FAF1: variants seen among roughly 807,000 people sequenced by gnomAD.
The protein encoded by FAF1 is FAS-associated factor 1.
Under a neutral mutation model 92.5 loss-of-function variants are expected in FAF1, and 25 were observed. That is an observed-to-expected ratio of 0.27 (90% CI 0.20 to 0.38). FAF1 has a LOEUF of 0.38. FAF1 is among the 10% of genes least tolerant of loss of function. The pLI is 1.00. For synonymous variants in FAF1, 234 were observed against 273.2 expected (o/e 0.86, Z 1.42); for missense variants, 636 against 793.3 (o/e 0.80, Z 2.38).
At chr1:50,623,662 C>T (rs1411001143) in intron 8 of FAF1, among the ~76,000 whole-genome samples, 1 of 150,456 alleles carries the variant, frequency 6.6e-6, no homozygotes, top group Non-Finnish European at 1.5e-5. Context: ...ACAAATGAGG[C>T]CAGGTGTGGT....
At position 50,944,358 on chromosome 1, in the gene FAF1, G is replaced by GATTCTGAAAGAAAATGAACATTA. The variant is rs1211925957; in HGVS notation, c.45+15386_45+15408dup. On this transcript the variant is annotated intron_variant, in intron 1 of 18. Coordinates refer to ENST00000396153, the MANE Select transcript of FAF1 (RefSeq NM_007051.3). The stretch of plus-strand genomic sequence containing the variant: ...TCTTTATGAGGAAGGCTTCAAGGGC[G>GATTCTGAAAGAAAATGAACATTA]ATTCTGAAAGAAAATGAACATTAAT... Among the ~76,000 whole-genome samples the GATTCTGAAAGAAAATGAACATTA allele has an allele frequency of 3.0e-4, 45 of 152,280 alleles. No individual in the cohort carries two copies. In the East Asian group the frequency reaches 8.7e-3, roughly 29 times the overall value.
intron 1 of FAF1, among the ~76,000 whole-genome samples, chr1:50,927,049 C>T (rs192316873): frequency 6.2e-4 from 95 of 152,180 alleles, no homozygotes; most frequent in Non-Finnish European, 8.4e-4. Context: ...TCTATAAGTA[C>T]TCAAACTCAC....
intron 13 of FAF1, among the ~76,000 whole-genome samples, chr1:50,542,387 A>G (rs1046112449): frequency 1.3e-5 from 2 of 152,186 alleles, no homozygotes; most frequent in East Asian, 1.9e-4. Context: ...TCTTCCTCCC[A>G]AGATCATTTA....
chr1:50,764,306 T>C (rs1405217768), intron 4 of FAF1, among the ~76,000 whole-genome samples: 1 of 152,152 alleles, frequency 6.6e-6, no homozygotes, highest in Non-Finnish European at 1.5e-5. Flanking sequence ...TGGGAAGGAA[T>C]TCAATAGTAT....
In FAF1 at chr1:50,472,368, TACACACACACACACACACACAC is replaced by T. The variant is rs71850142; in HGVS notation, c.1869+3074_1869+3095del. 1.3e-3 allele frequency among the ~76,000 whole-genome samples: 163 copies of T among 123,948 alleles called. 1 individual carries two copies. The highest frequency in any genetic ancestry group is 8.5e-3 in the Middle Eastern group (2 of 234). 81.3% of individuals were successfully genotyped at this position (123,948 alleles called of 152,430 possible). A position where few individuals can be genotyped will look rare whatever the true frequency, so the allele number is the denominator to read the frequency against. On this transcript the variant is annotated intron_variant, in intron 18 of 18. Coordinates refer to ENST00000396153, the MANE Select transcript of FAF1 (RefSeq NM_007051.3). ...GTTATTAGCAAAATTGGGGAAAACA[TACACACACACACACACACACAC>T]ACACACACACACACACACACACACA...
At chr1:50,905,604 G>C (rs1162326842) in intron 1 of FAF1, among the ~76,000 whole-genome samples, 1 of 152,170 alleles carries the variant, frequency 6.6e-6, no homozygotes, top group African/African-American at 2.4e-5. Context: ...TCTGATTGTG[G>C]TTTTAATTTG....
In FAF1 at chr1:50,519,370, AGGAG is replaced by A. The variant is rs781526889; in HGVS notation, c.1494+15995_1494+15998del. Among the ~76,000 whole-genome samples the A allele has an allele frequency of 5.5e-3, 547 of 99,570 alleles. 8 individuals carry two copies. The highest frequency in any genetic ancestry group is 0.052 in the East Asian group (153 of 2,928). 65.3% of individuals were successfully genotyped at this position (99,570 alleles called of 152,430 possible). On this transcript the variant is annotated intron_variant, in intron 15 of 18. Coordinates refer to ENST00000396153, the MANE Select transcript of FAF1 (RefSeq NM_007051.3). The stretch of plus-strand genomic sequence containing the variant: ...AATGAAGGAAGGAAGGAAGGAAGGA[AGGAG>A]GGAGGGAGGGAGGGAGGGAGGGAAG...
chr1:50,745,373 T>C (rs1659546060), intron 4 of FAF1, among the ~76,000 whole-genome samples: 1 of 152,094 alleles, frequency 6.6e-6, no homozygotes, highest in African/African-American at 2.4e-5. Context: ...TTAAACTGTA[T>C]TAAAGAGAAG....
chr1:50,449,481 TTTTC>T (rs200867870), intron 18 of FAF1, among the ~76,000 whole-genome samples: 45 of 149,852 alleles, frequency 3.0e-4, no homozygotes, highest in African/African-American at 9.5e-4. Flanking sequence ...GGGAACAACT[TTTTC>T]TTTCTTTTTT....
intron 15 of FAF1, among the ~76,000 whole-genome samples, chr1:50,530,475 G>C (rs914462591): frequency 1.3e-5 from 2 of 151,342 alleles, no homozygotes; most frequent in African/African-American, 2.4e-5. Flanking sequence ...GATAGTAAAA[G>C]GATGTTACCA....
chr1:50,474,357 C>T (rs1158097365), intron 18 of FAF1, among the ~76,000 whole-genome samples: 1 of 152,144 alleles, frequency 6.6e-6, no homozygotes, highest in Non-Finnish European at 1.5e-5. Flanking sequence ...CCTATTTCTT[C>T]AGGCTTCGTT....
intron 2 of FAF1, among the ~76,000 whole-genome samples, chr1:50,843,828 G>A (rs775181193): frequency 1.1e-4 from 16 of 152,038 alleles, no homozygotes; most frequent in Admixed American, 5.9e-4. Flanking sequence ...ACTGTGAACA[G>A]TACTGCAATA....
intron 7 of FAF1, among the ~76,000 whole-genome samples, chr1:50,701,291 A>C (rs1657462779): frequency 6.6e-6 from 1 of 152,086 alleles, no homozygotes. Context: ...AAATAAGCAC[A>C]CAACTTAATT....
intron 17 of FAF1, among the ~76,000 whole-genome samples, chr1:50,478,541 T>C (rs1346461299): frequency 6.6e-6 from 1 of 152,192 alleles, no homozygotes; most frequent in Non-Finnish European, 1.5e-5. Context: ...ATAAATTCAT[T>C]GAAAAAACAG....
At chr1:50,622,419 G>A (rs1208905155) in intron 8 of FAF1, among the ~76,000 whole-genome samples, 2 of 151,882 alleles carry the variant, frequency 1.3e-5, no homozygotes, top group Non-Finnish European at 2.9e-5. Context: ...AGCCACTCTT[G>A]GCATTTTCTC....
intron 1 of FAF1, among the ~76,000 whole-genome samples, chr1:50,908,570 C>T (rs58813795): frequency 0.093 from 14,207 of 152,040 alleles, 706 homozygotes; most frequent in African/African-American, 0.12. Context: ...ATTGGGTGCA[C>T]ATATATTTAG....
chr1:50,582,499 G>A (rs557222728), intron 12 of FAF1, 119 bp downstream of exon 12: 3 of 673,810 alleles, frequency 4.5e-6, no homozygotes, highest in Non-Finnish European at 8.0e-6. Flanking sequence ...TTCGTGAAGA[G>A]TTCCATGTTT....
intron 12 of FAF1, among the ~76,000 whole-genome samples, chr1:50,575,195 A>G (rs1382122832): frequency 6.6e-6 from 1 of 152,206 alleles, no homozygotes; most frequent in Non-Finnish European, 1.5e-5. Context: ...GGCGTGAGCC[A>G]CTGCGCCCAG....
intron 18 of FAF1, among the ~76,000 whole-genome samples, chr1:50,464,561 T>A (rs940663640): frequency 7.9e-5 from 12 of 152,230 alleles, no homozygotes; most frequent in Non-Finnish European, 1.6e-4. Context: ...ACTGGCAAAG[T>A]GCAAGTCACT....
Sources: allele counts gnomAD v4.1 joint callset (sites outside exome capture counted in the v4.1 genomes callset), GRCh38; gene constraint gnomAD v4.1.1; transcripts MANE v1.5; gene names NCBI Gene and HGNC (gene_info 2026-07-23, HGNC 2026-07-21).